CDH1: variants seen among roughly 807,000 people sequenced by gnomAD.
CDH1 encodes the protein cadherin-1.
CDH1 carries 35 observed loss-of-function variants against 84.5 expected under a neutral mutation model. That is an observed-to-expected ratio of 0.41 (90% CI 0.32 to 0.55). The LOEUF is 0.55. Among genes scored for constraint, CDH1 ranks in the 20% least tolerant of loss-of-function variants. CDH1 has a pLI of 0.19. For missense variants in CDH1, 994 were observed against 1,126.6 expected (o/e 0.88, Z 1.68); for synonymous variants, 417 against 439.0 (o/e 0.95, Z 0.63).
In CDH1 at chr16:68,753,066, G is replaced by A. The variant is rs138698522; in HGVS notation, c.163+14655G>A. On this transcript the variant is annotated intron_variant, in intron 2 of 15. Coordinates refer to ENST00000261769, the MANE Select transcript of CDH1 (RefSeq NM_004360.5). ...AGCTCAAAGACAAAAATGCAAGGCC[G>A]GCCAGGCGTGGTGGCTCACGCCTGT... Among the ~76,000 whole-genome samples, 23 of 152,006 alleles carry A rather than the reference G, an allele frequency of 1.5e-4. No homozygotes were observed. In the East Asian group the frequency reaches 3.3e-3, roughly 22 times the overall value.
chr16:68,812,350 C>A (rs2152132852), intron 8 of CDH1, 87 bp downstream of exon 8: 1 of 1,372,834 alleles, frequency 7.3e-7, no homozygotes, highest in Non-Finnish European at 1.0e-6. Context: ...TGGGCGAAGT[C>A]TTTGAAAACT....
chr16:68,746,926 G>A (rs1361927793), intron 2 of CDH1, among the ~76,000 whole-genome samples: 1 of 152,130 alleles, frequency 6.6e-6, no homozygotes, highest in Non-Finnish European at 1.5e-5. Flanking sequence ...TCTAGCCTGG[G>A]CAACAGAGCG....
At chr16:68,783,865 T>C (rs539620524) in intron 2 of CDH1, among the ~76,000 whole-genome samples, 75 of 151,950 alleles carry the variant, frequency 4.9e-4, no homozygotes, top group Non-Finnish European at 1.1e-3. Flanking sequence ...TTAGTAGAGA[T>C]GGAGTTTCAC....
intron 2 of CDH1, among the ~76,000 whole-genome samples, chr16:68,766,992 G>T (rs1222964517): frequency 6.6e-6 from 1 of 152,032 alleles, no homozygotes; most frequent in East Asian, 1.9e-4. Context: ...CTCCCAAATT[G>T]CTGGGATTAC....
intron 2 of CDH1, among the ~76,000 whole-genome samples, chr16:68,762,199 C>T (rs1388091185): frequency 6.6e-6 from 1 of 152,176 alleles, no homozygotes; most frequent in Non-Finnish European, 1.5e-5. Context: ...CCCAGTGTTC[C>T]TTGCCTGGCT....
chr16:68,795,889 T>A (rs1960344608), intron 2 of CDH1, among the ~76,000 whole-genome samples: 1 of 151,388 alleles, frequency 6.6e-6, no homozygotes, highest in African/African-American at 2.4e-5. Context: ...GCAGGCCGGG[T>A]GCGGTGGCTT....
In CDH1 at chr16:68,813,007, C is replaced by A. The variant is rs1222131989; in HGVS notation, c.1138-306C>A. On this transcript the variant is annotated intron_variant, in intron 8 of 15. Coordinates refer to ENST00000261769, the MANE Select transcript of CDH1 (RefSeq NM_004360.5). ...GTGAGCCGAGATTGTACCATTGCAC[C>A]CCAGTGCGCCCATTGCCTGGCCTCT... Among the ~76,000 whole-genome samples the A allele has an allele frequency of 1.5e-4, 23 of 151,886 alleles. 1 individual carries two copies. Among genetic ancestry groups the A allele is most frequent in the Admixed American group, 1.5e-3 (23 of 15,230 alleles).
chr16:68,778,336 G>A (rs1205896156), intron 2 of CDH1, among the ~76,000 whole-genome samples: 1 of 152,176 alleles, frequency 6.6e-6, no homozygotes, highest in Non-Finnish European at 1.5e-5. Flanking sequence ...GTGAGCCACC[G>A]TGCCCGACCA....
At chr16:68,739,234 G>A (rs1428278981) in intron 2 of CDH1, among the ~76,000 whole-genome samples, 3 of 151,930 alleles carry the variant, frequency 2.0e-5, no homozygotes, top group Non-Finnish European at 4.4e-5. Context: ...CCAACATGGT[G>A]AAACCCCATC....
At position 68,801,633 on chromosome 16, in the gene CDH1, G is replaced by A. The variant is rs765031692; in HGVS notation, c.164-37G>A. ...GAAGGAATGCTCTTGTCTTTAATCT[G>A]TCCAATTTCCTAATCTCTGTGATTT... On this transcript the variant is annotated intron_variant, in intron 2 of 15. Coordinates refer to ENST00000261769, the MANE Select transcript of CDH1 (RefSeq NM_004360.5). 2.6e-6 allele frequency: 4 copies of A among 1,543,772 alleles called. No individual in the cohort carries two copies. In the South Asian group the frequency reaches 4.5e-5, roughly 17 times the overall value.
chr16:68,748,549 G>A (rs77452139), intron 2 of CDH1, among the ~76,000 whole-genome samples: 9,621 of 152,314 alleles, frequency 0.063, 724 homozygotes, highest in African/African-American at 0.19. Flanking sequence ...GATAGACACT[G>A]GGTAGTGTCC....
Position 68,833,676 on chromosome 16 carries a change from G to T in CDH1, c.*177G>T. 7 of 607,686 alleles carry T rather than the reference G, an allele frequency of 1.2e-5. No individual in the cohort carries two copies. Among genetic ancestry groups the T allele is most frequent in the South Asian group, 3.9e-5 (2 of 51,640 alleles). The allele number at this position is 607,686 out of a possible 1,614,324, so 37.6% of individuals were successfully genotyped here. A position where few individuals can be genotyped will look rare whatever the true frequency, so the allele number is the denominator to read the frequency against. On this transcript the variant is annotated 3_prime_UTR_variant, in exon 16 of 16. Coordinates refer to ENST00000261769, the MANE Select transcript of CDH1 (RefSeq NM_004360.5). ...TCCACTTTATAGCTCTAATAAGTTTGTGTTAGAAAAGTTTCGACTTATTTC... is the reference window on the plus strand; with the variant it reads ...TCCACTTTATAGCTCTAATAAGTTTTTGTTAGAAAAGTTTCGACTTATTTC...
In CDH1 at chr16:68,823,539, G is replaced by A. The variant is rs386833398; in HGVS notation, c.2077G>A (p.Gly693Ser). ...VSVCDCEGAA[G>S]VCRKAQPVEA... ...CGTGTGTGACTGTGAAGGGGCCGCTGGCGTCTGTAGGAAGGCACAGCCTGT... is the reference window on the plus strand; with the variant it reads ...CGTGTGTGACTGTGAAGGGGCCGCTAGCGTCTGTAGGAAGGCACAGCCTGT... The change falls in exon 13 of 16, where the codon GGC becomes AGC. Residue 693 changes from glycine (G) to serine (S), a missense_variant. Coordinates refer to ENST00000261769, the MANE Select transcript of CDH1 (RefSeq NM_004360.5). The A allele has an allele frequency of 2.5e-5, 40 of 1,613,890 alleles. No homozygotes were observed. Among genetic ancestry groups the A allele is most frequent in the Non-Finnish European group, 2.8e-5 (33 of 1,180,002 alleles).
chr16:68,758,634 C>A (rs1322086103), intron 2 of CDH1, among the ~76,000 whole-genome samples: 2 of 134,760 alleles, frequency 1.5e-5, no homozygotes, highest in African/African-American at 2.9e-5. Flanking sequence ...TTAGATGTTT[C>A]TGCTTTAGAC....
At chr16:68,791,588 A>G (rs918253979) in intron 2 of CDH1, among the ~76,000 whole-genome samples, 1 of 151,906 alleles carries the variant, frequency 6.6e-6, no homozygotes, top group African/African-American at 2.4e-5. Flanking sequence ...ACACCCAGCT[A>G]ATTTTTAATT....
intron 2 of CDH1, among the ~76,000 whole-genome samples, chr16:68,792,552 G>A (rs35355189): frequency 0.021 from 3,198 of 152,244 alleles, 55 homozygotes; most frequent in Middle Eastern, 0.041. Context: ...TTCCAGAAGC[G>A]CCATTCATGA....
At chr16:68,742,275 AT>A (rs1962588144) in intron 2 of CDH1, among the ~76,000 whole-genome samples, 1 of 148,520 alleles carries the variant, frequency 6.7e-6, no homozygotes, top group African/African-American at 2.5e-5. Flanking sequence ...AAATACACCC[AT>A]TTCCCCTCCT....
At chr16:68,807,076 A>G (rs1273222518) in intron 3 of CDH1, among the ~76,000 whole-genome samples, 1 of 152,194 alleles carries the variant, frequency 6.6e-6, no homozygotes, top group Non-Finnish European at 1.5e-5. Context: ...GTTACCAGTA[A>G]TCACCTTAAA....
rs536314715 is a variant in CDH1, at chr16:68,809,226, C to CTTTTTTTTTTTT, written c.687+383_687+394dup. 1.1e-4 allele frequency among the ~76,000 whole-genome samples: 15 copies of CTTTTTTTTTTTT among 135,468 alleles called. 1 individual carries two copies. Among genetic ancestry groups the CTTTTTTTTTTTT allele is most frequent in the African/African-American group, 3.0e-4 (11 of 36,456 alleles). 88.9% of individuals were successfully genotyped at this position (135,468 alleles called of 152,430 possible). A position where few individuals can be genotyped will look rare whatever the true frequency, so the allele number is the denominator to read the frequency against. On this transcript the variant is annotated intron_variant, in intron 5 of 15. Coordinates refer to ENST00000261769, the MANE Select transcript of CDH1 (RefSeq NM_004360.5). Reference sequence around the variant, plus strand: ...CAAGAGCTTAGGAAAACCAAGAGGTCTTTTTTTTTTTTTTTTGAGATAGGG... The same window carrying CTTTTTTTTTTTT: ...CAAGAGCTTAGGAAAACCAAGAGGTCTTTTTTTTTTTTTTTTTTTTTTTTTTTTGAGATAGGG...
Sources: allele counts gnomAD v4.1 joint callset (sites outside exome capture counted in the v4.1 genomes callset), GRCh38; gene constraint gnomAD v4.1.1; transcripts MANE v1.5; gene names NCBI Gene and HGNC (gene_info 2026-07-23, HGNC 2026-07-21).